The following CRISP2 variants were observed in gnomAD, a reference collection of about 807,000 sequenced individuals.
CRISP2 encodes cysteine rich secretory protein 2.
In CRISP2, 29 loss-of-function variants were observed where a neutral mutation model predicts 31.7. The ratio of observed to expected loss-of-function variants is 0.92; its 90% CI spans 0.68 to 1.25. The LOEUF is 1.25. Among genes scored for constraint, CRISP2 ranks in the 50% most tolerant of loss-of-function variants. The pLI, the probability that CRISP2 is intolerant of heterozygous loss-of-function variation, is 0.00. For missense variants in CRISP2, 318 were observed against 286.5 expected (o/e 1.11, Z -0.79); for synonymous variants, 111 against 101.4 (o/e 1.09, Z -0.57).
At chr6:49,703,570 T>C (rs965861057) in intron 4 of CRISP2, among the ~76,000 whole-genome samples, 6 of 152,140 alleles carry the variant, frequency 3.9e-5, no homozygotes, top group African/African-American at 1.4e-4. Flanking sequence ...ATTTTATTGT[T>C]TTTTCAGCTG....
chr6:49,701,308 A>T (rs1267923075), intron 4 of CRISP2, among the ~76,000 whole-genome samples: 1 of 151,634 alleles, frequency 6.6e-6, no homozygotes, highest in African/African-American at 2.4e-5. Flanking sequence ...CCCAAAGTCA[A>T]TTGTATCATT....
downstream of CRISP2, among the ~76,000 whole-genome samples, chr6:49,688,857 C>CTCTTT (rs1427477452): frequency 2.6e-5 from 4 of 151,950 alleles, no homozygotes; most frequent in African/African-American, 4.8e-5. Context: ...TTATGATTTT[C>CTCTTT]TCTTTTCTTT....
intron 4 of CRISP2, among the ~76,000 whole-genome samples, chr6:49,706,139 A>C (rs757702646): frequency 8.5e-5 from 13 of 152,220 alleles, no homozygotes; most frequent in Non-Finnish European, 1.3e-4. Context: ...CAAGCATACA[A>C]ATTTAAAACC....
intron 3 of CRISP2, among the ~76,000 whole-genome samples, chr6:49,711,082 C>T (rs1767926263): frequency 6.6e-6 from 1 of 152,080 alleles, no homozygotes; most frequent in Non-Finnish European, 1.5e-5. Flanking sequence ...GAGTTTGAGG[C>T]AGCAGTGAAC....
intron 2 of CRISP2, 61 bp from the exon 3 acceptor site, chr6:49,711,382 T>C (rs2127440182): frequency 6.6e-6 from 1 of 152,324 alleles, no homozygotes; most frequent in East Asian, 1.9e-4. Flanking sequence ...TATTCCTGTT[T>C]TGTCAAACTC....
the CRISP2 span, among the ~76,000 whole-genome samples, chr6:49,676,884 G>T: frequency 6.6e-6 from 1 of 152,096 alleles, no homozygotes; most frequent in African/African-American, 2.4e-5. Flanking sequence ...AGAGCAGCTG[G>T]CATCACTAGT....
chr6:49,713,833 G>C (rs1368871613), upstream of CRISP2, among the ~76,000 whole-genome samples: 1 of 152,132 alleles, frequency 6.6e-6, no homozygotes, highest in Non-Finnish European at 1.5e-5. Context: ...CCAGGGGGTG[G>C]CTTGAAAAAG....
At chr6:49,698,645 C>T in intron 6 of CRISP2, 138 bp from the exon 7 acceptor site, 1 of 847,510 alleles carries the variant, frequency 1.2e-6, no homozygotes, top group Non-Finnish European at 1.8e-6. Flanking sequence ...AAAGGAGTGC[C>T]TCAGTTCCTT....
At chr6:49,707,624 T>G (rs73439848) in intron 4 of CRISP2, among the ~76,000 whole-genome samples, 5,075 of 152,276 alleles carry the variant, frequency 0.033, 301 homozygotes, top group African/African-American at 0.12. Flanking sequence ...AGATGATGAA[T>G]GAATTATCTG....
intron 4 of CRISP2, among the ~76,000 whole-genome samples, chr6:49,705,803 G>T (rs1021687049): frequency 2.6e-5 from 4 of 152,126 alleles, no homozygotes; most frequent in African/African-American, 4.8e-5. Context: ...CCATGATCTG[G>T]ATTTTCAGCT....
At chr6:49,703,933 T>C (rs1301744847) in intron 4 of CRISP2, among the ~76,000 whole-genome samples, 2 of 152,172 alleles carry the variant, frequency 1.3e-5, no homozygotes, top group Non-Finnish European at 2.9e-5. Flanking sequence ...TCCTCAATTA[T>C]TCCCTCAAAT....
At chr6:49,698,668 G>A (rs515257) in intron 6 of CRISP2, among the ~76,000 whole-genome samples, 161 bp from the exon 7 acceptor site, 38,264 of 151,978 alleles carry the variant, frequency 0.25, 5,049 homozygotes, top group East Asian at 0.47. Context: ...CAGCTATAAA[G>A]CTGATTAGAA....
In CRISP2 at chr6:49,692,768, G is replaced by C; in HGVS notation, c.*5C>G. On this transcript the variant is annotated 3_prime_UTR_variant, in exon 10 of 10. Coordinates refer to ENST00000339139, the MANE Select transcript of CRISP2 (RefSeq NM_003296.4). ...TGCAGTCTTGCACAATGCTCACTAG[G>C]TAAATCAGTAAATTTTGTTCTCACA... is the stretch of plus-strand genomic sequence containing the variant. The C allele has an allele frequency of 3.7e-6, 6 of 1,612,102 alleles. No individual in the cohort carries two copies. Among genetic ancestry groups the C allele is most frequent in the Non-Finnish European group, 5.1e-6 (6 of 1,178,626 alleles).
chr6:49,711,514 T>G (rs1463013239), intron 2 of CRISP2, among the ~76,000 whole-genome samples, 193 bp from the exon 3 acceptor site: 3 of 152,210 alleles, frequency 2.0e-5, no homozygotes, highest in African/African-American at 7.2e-5. Context: ...TCCCACATAG[T>G]TTTTAACATG....
intron 5 of CRISP2, 118 bp from the exon 6 acceptor site, chr6:49,700,009 G>T (rs913794901): frequency 2.4e-6 from 2 of 846,650 alleles, no homozygotes; most frequent in Non-Finnish European, 3.7e-6. Flanking sequence ...TAATACTACT[G>T]TTATTAAAAT....
At chr6:49,691,430 T>C (rs897332319), downstream of CRISP2, among the ~76,000 whole-genome samples, 4 of 152,102 alleles carry the variant, frequency 2.6e-5, no homozygotes, top group African/African-American at 7.2e-5. Flanking sequence ...TATTCTATAA[T>C]AGGCAATTTA....
intron 6 of CRISP2, among the ~76,000 whole-genome samples, chr6:49,698,824 C>T (rs1217430814): frequency 6.6e-6 from 1 of 152,098 alleles, no homozygotes; most frequent in Non-Finnish European, 1.5e-5. Context: ...GGTAAGCTTG[C>T]TAAAGGCAGT....
At chr6:49,682,542 C>T in the CRISP2 span, among the ~76,000 whole-genome samples, 1 of 124,092 alleles carries the variant, frequency 8.1e-6, no homozygotes, top group Non-Finnish European at 1.6e-5. Flanking sequence ...TTCCCACCTC[C>T]CTCCTTCCCT....
the CRISP2 span, among the ~76,000 whole-genome samples, chr6:49,685,846 T>C: frequency 1.3e-5 from 2 of 152,184 alleles, no homozygotes; most frequent in African/African-American, 2.4e-5. Context: ...TTCTTAATTA[T>C]ATTAATTATA....
Sources: gnomAD v4.1 joint callset for allele counts (sites outside exome capture counted in the v4.1 genomes callset) on GRCh38, gnomAD v4.1.1 for gene constraint, MANE v1.5 for transcripts, NCBI Gene and HGNC (gene_info 2026-07-23, HGNC 2026-07-21) for gene names.